ATP8A2: variants seen among roughly 807,000 people sequenced by gnomAD.
The protein encoded by ATP8A2 is ATPase phospholipid transporting 8A2, also known as phospholipid-transporting ATPase IB.
A neutral mutation model predicts 165.6 loss-of-function variants in ATP8A2; 100 were observed. The observed-to-expected ratio is 0.60, with a 90% CI of 0.51 to 0.71. The LOEUF (loss-of-function observed/expected upper bound fraction) is 0.71. Ranked by LOEUF, ATP8A2 falls within the 30% of genes least tolerant of loss-of-function variation. The pLI is 0.00. For synonymous variants in ATP8A2, 543 were observed against 548.8 expected (o/e 0.99, Z 0.15); for missense variants, 1,227 against 1,479.5 (o/e 0.83, Z 2.80).
At chr13:25,546,558 C>G (rs2038657145) in intron 10 of ATP8A2, among the ~76,000 whole-genome samples, 1 of 150,624 alleles carries the variant, frequency 6.6e-6, no homozygotes, top group African/African-American at 2.4e-5. Context: ...GCCTTTTGCC[C>G]TTCAAGTTTC....
intron 33 of ATP8A2, among the ~76,000 whole-genome samples, chr13:25,871,019 T>C (rs1179915881): frequency 6.6e-6 from 1 of 152,160 alleles, no homozygotes; most frequent in Non-Finnish European, 1.5e-5. Context: ...CCGTATACAA[T>C]TTCCTCCATT....
chr13:25,979,863 A>G (rs1029911812), intron 35 of ATP8A2, among the ~76,000 whole-genome samples: 22 of 152,158 alleles, frequency 1.4e-4, no homozygotes, highest in African/African-American at 4.8e-4. Context: ...CTGTCGGGGA[A>G]GAAAAAAGTC....
At chr13:25,983,675 G>T (rs908297536) in intron 35 of ATP8A2, among the ~76,000 whole-genome samples, 5 of 152,090 alleles carry the variant, frequency 3.3e-5, no homozygotes, top group African/African-American at 1.2e-4. Flanking sequence ...GAACTTAAAG[G>T]TGTAAATATT....
intron 1 of ATP8A2, among the ~76,000 whole-genome samples, chr13:25,428,774 G>A (rs1236699418): frequency 1.3e-5 from 2 of 152,174 alleles, no homozygotes; most frequent in African/African-American, 2.4e-5. Flanking sequence ...AGCAGGATTT[G>A]GGACCCCAGG....
chr13:25,551,441 C>T lies in ATP8A2; in HGVS notation c.995C>T (p.Ser332Leu), dbSNP rs753899800. 47 of 1,614,064 alleles carry T rather than the reference C, an allele frequency of 2.9e-5. 1 individual carries two copies. The highest frequency in any genetic ancestry group is 3.3e-4 in the Middle Eastern group (2 of 6,062). The change falls in exon 11 of 37, where the codon TCG (serine) becomes TTG (leucine). Residue 332 changes from serine to leucine, a missense_variant. Physicochemically the swap from Ser to Leu is moderately radical, Grantham distance 145 (BLOSUM62 -2). This residue lies in a region of ATP8A2 where 592 missense variants were observed against 785.6 expected (regional missense o/e 0.75). Transcript: ENST00000381655. ...CTCTTGGTCATGGCCTTGGTGAGCTCGGCGGGGGCCCTGTACTGGAACAGG... is the reference window on the plus strand; with the variant it reads ...CTCTTGGTCATGGCCTTGGTGAGCTTGGCGGGGGCCCTGTACTGGAACAGG... ...GILLVMALVS[S>L]AGALYWNRSH... is the part of the protein sequence containing the mutation.
At chr13:25,803,678 T>G (rs1950668598) in intron 27 of ATP8A2, among the ~76,000 whole-genome samples, 1 of 152,220 alleles carries the variant, frequency 6.6e-6, no homozygotes, top group Admixed American at 6.5e-5. Flanking sequence ...CTTCAAAAAC[T>G]GACTCAGATG....
chr13:25,589,600 G>A (rs1372680275), intron 23 of ATP8A2, 35 bp from the exon 24 acceptor site: 1 of 1,545,046 alleles, frequency 6.5e-7, no homozygotes, highest in African/African-American at 1.4e-5. Flanking sequence ...CAGAAGGAAA[G>A]AGAAATTCAC....
intron 34 of ATP8A2, among the ~76,000 whole-genome samples, chr13:25,968,199 A>T (rs1451861715): frequency 1.3e-5 from 2 of 152,222 alleles, no homozygotes; most frequent in Admixed American, 6.5e-5. Flanking sequence ...GTGCCTGTTC[A>T]CTAAGGTGAG....
rs142560301 is a variant in ATP8A2 at position 25,974,702 on chromosome 13, G to A, written c.3377+6023G>A. ...CCTCCCCAGAACCAGCCCTTCCTTC[G>A]GAGTCTCCTGCTCCATCGGGATGAA... On this transcript the variant is annotated intron_variant, in intron 35 of 36. Transcript: ENST00000381655. 6.0e-4 allele frequency among the ~76,000 whole-genome samples: 92 copies of A among 152,154 alleles called. No homozygotes were observed. The East Asian group carries it at 0.016, about 26-fold the overall frequency.
chr13:25,793,647 A>T (rs2045240878), intron 27 of ATP8A2, among the ~76,000 whole-genome samples: 1 of 98,548 alleles, frequency 1.0e-5, no homozygotes, highest in African/African-American at 3.9e-5. Flanking sequence ...AGGCTTTCTC[A>T]GGGGAGACTT....
chr13:25,512,787 AC>A (rs1376462461), intron 2 of ATP8A2, among the ~76,000 whole-genome samples: 6 of 116,588 alleles, frequency 5.1e-5, no homozygotes, highest in African/African-American at 1.3e-4. Context: ...CAGGGGGCTG[AC>A]CCCCCCATCT....
At chr13:25,515,054 G>T (rs2037421278) in intron 2 of ATP8A2, among the ~76,000 whole-genome samples, 1 of 152,174 alleles carries the variant, frequency 6.6e-6, no homozygotes, top group Admixed American at 6.5e-5. Context: ...AGTGTGGGCG[G>T]CCCCATCAAA....
chr13:25,524,885 A>AACTT (rs879328495), intron 2 of ATP8A2, among the ~76,000 whole-genome samples: 74 of 119,604 alleles, frequency 6.2e-4, no homozygotes, highest in South Asian at 1.2e-3. Context: ...ATTGTTTGAT[A>AACTT]ACTTCCTTCC....
intron 24 of ATP8A2, among the ~76,000 whole-genome samples, chr13:25,614,828 G>A (rs1162236243): frequency 6.6e-6 from 1 of 152,240 alleles, no homozygotes; most frequent in Non-Finnish European, 1.5e-5. Context: ...ACTGGGGAAT[G>A]TCTACAAAGA....
chr13:25,576,612 G>T (rs1021825162), intron 19 of ATP8A2, among the ~76,000 whole-genome samples: 2 of 152,138 alleles, frequency 1.3e-5, no homozygotes, highest in Non-Finnish European at 2.9e-5. Flanking sequence ...TGTTCTGCGG[G>T]TTTGTGATTT....
chr13:25,530,244 G>A (rs964052999), intron 3 of ATP8A2, 146 bp downstream of exon 3: 1 of 625,656 alleles, frequency 1.6e-6, no homozygotes, highest in Non-Finnish European at 2.8e-6. Flanking sequence ...GAGTGAACAA[G>A]CCTGACTTTG....
chr13:26,012,394 G>C (rs897292593), intron 35 of ATP8A2, 137 bp from the exon 36 acceptor site: 12 of 673,408 alleles, frequency 1.8e-5, no homozygotes, highest in African/African-American at 7.7e-5. Context: ...TGGAAATCAC[G>C]GGCCGCTGGT....
At chr13:25,675,750 C>T (rs2224687) in intron 24 of ATP8A2, among the ~76,000 whole-genome samples, 51,116 of 151,848 alleles carry the variant, frequency 0.34, 9,856 homozygotes, top group Middle Eastern at 0.46. Context: ...TGGGTTGTGC[C>T]GGTGTTCATG....
At chr13:25,906,062 C>G (rs1162916862) in intron 33 of ATP8A2, among the ~76,000 whole-genome samples, 1 of 152,160 alleles carries the variant, frequency 6.6e-6, no homozygotes. Flanking sequence ...GAGGCCTTAC[C>G]TTAAACTTTA....
Sources: allele counts gnomAD v4.1 joint callset (sites outside exome capture counted in the v4.1 genomes callset), GRCh38; gene constraint gnomAD v4.1.1; regional missense constraint gnomAD v4.1.1; transcripts MANE v1.5; gene names NCBI Gene and HGNC (gene_info 2026-07-23, HGNC 2026-07-21).